PDE1C: variants seen among roughly 807,000 people sequenced by gnomAD.
PDE1C encodes the protein phosphodiesterase 1C, also known as dual specificity calcium/calmodulin-dependent 3',5'-cyclic nucleotide phosphodiesterase 1C.
A neutral mutation model predicts 93.1 loss-of-function variants in PDE1C; 62 were observed. That is an observed-to-expected ratio of 0.67 (90% CI 0.54 to 0.82). PDE1C has a LOEUF of 0.82. PDE1C is among the 40% of genes least tolerant of loss of function. The pLI is 0.00. For missense variants in PDE1C, 742 were observed against 884.6 expected (o/e 0.84, Z 2.04); for synonymous variants, 325 against 310.1 (o/e 1.05, Z -0.50).
intron 2 of PDE1C, among the ~76,000 whole-genome samples, chr7:32,185,246 A>AG (rs1562558873): frequency 7.1e-5 from 7 of 98,950 alleles, no homozygotes; most frequent in Non-Finnish European, 1.1e-4. Context: ...ACTCTGTCTC[A>AG]GAAAAAAAAA....
At chr7:31,857,978 G>C (rs1794228055) in intron 7 of PDE1C, among the ~76,000 whole-genome samples, 1 of 152,136 alleles carries the variant, frequency 6.6e-6, no homozygotes, top group African/African-American at 2.4e-5. Flanking sequence ...TGAATAACTA[G>C]AAGGACATAT....
At chr7:32,261,545 T>C (rs889637284) in intron 1 of PDE1C, among the ~76,000 whole-genome samples, 1 of 152,222 alleles carries the variant, frequency 6.6e-6, no homozygotes, top group Non-Finnish European at 1.5e-5. Context: ...ATTCCCCGTC[T>C]TGATAAATCA....
chr7:31,966,675 C>G (rs1810024719), intron 2 of PDE1C, among the ~76,000 whole-genome samples: 1 of 152,192 alleles, frequency 6.6e-6, no homozygotes, highest in South Asian at 2.1e-4. Context: ...AGCATCACAA[C>G]ACACCTATTC....
upstream of PDE1C, among the ~76,000 whole-genome samples, chr7:32,302,156 T>G (rs1812896674): frequency 6.6e-6 from 1 of 152,234 alleles, no homozygotes; most frequent in Admixed American, 6.5e-5. Context: ...AAATGCTTAT[T>G]GACTCCTAAA....
At chr7:32,319,093 C>T (rs866931868) in intron 1 of PDE1C, among the ~76,000 whole-genome samples, 2 of 152,346 alleles carry the variant, frequency 1.3e-5, no homozygotes, top group African/African-American at 2.4e-5. Context: ...CCGCGCCCTC[C>T]ACGCCGTCAC....
chr7:31,989,101 A>C (rs1361336933), intron 2 of PDE1C, among the ~76,000 whole-genome samples: 1 of 150,322 alleles, frequency 6.7e-6, no homozygotes, highest in Non-Finnish European at 1.5e-5. Flanking sequence ...AAAGAAAGAA[A>C]GAAAGAGAAA....
intron 2 of PDE1C, among the ~76,000 whole-genome samples, chr7:32,044,583 G>A (rs929103611): frequency 6.6e-6 from 1 of 152,144 alleles, no homozygotes; most frequent in East Asian, 1.9e-4. Context: ...TAATGAAAGA[G>A]ATTAAAGAGG....
the PDE1C span, chr7:31,651,362 C>A: frequency 1.4e-6 from 2 of 1,407,980 alleles, no homozygotes; most frequent in African/African-American, 1.5e-5. Flanking sequence ...CACCCTGGAG[C>A]AGAGCTAATG....
At chr7:32,187,503 G>T (rs558026853) in intron 2 of PDE1C, among the ~76,000 whole-genome samples, 1 of 152,110 alleles carries the variant, frequency 6.6e-6, no homozygotes, top group African/African-American at 2.4e-5. Flanking sequence ...TTAATATTAA[G>T]ATGTATCACT....
At chr7:32,065,878 C>T (rs1334273217) in intron 1 of PDE1C, among the ~76,000 whole-genome samples, 3 of 152,160 alleles carry the variant, frequency 2.0e-5, no homozygotes, top group African/African-American at 7.2e-5. Context: ...TCAAAACATC[C>T]TAAGCAAAAA....
At chr7:32,034,666 C>CT (rs1790802516) in intron 2 of PDE1C, among the ~76,000 whole-genome samples, 1 of 152,152 alleles carries the variant, frequency 6.6e-6, no homozygotes, top group Non-Finnish European at 1.5e-5. Context: ...AATGTAAACA[C>CT]TAAGTCATAA....
chr7:31,823,131 A>G lies in PDE1C; in HGVS notation c.1524T>C (p.Ala508=), dbSNP rs986518076. The G allele has an allele frequency of 6.2e-7, 1 of 1,613,300 alleles. No individual in the cohort carries two copies. The highest frequency in any genetic ancestry group is 8.5e-7 in the Non-Finnish European group (1 of 1,179,516). Residue 508 remains alanine, a synonymous_variant, in exon 14 of 18, where the codon GCT becomes GCC. Coordinates refer to ENST00000396191, the MANE Select transcript of PDE1C (RefSeq NM_001191057.4). ...TGATGTGCACCACTTCCGTCCAAGT[A>G]GCTTTAAAGCTCTTATAGTCAACGG... is the stretch of plus-strand genomic sequence containing the variant. ...VISVDYKSFK[A]TWTEVVHINR... is the part of the protein sequence containing the mutation.
At chr7:31,668,460 C>T in the PDE1C span, among the ~76,000 whole-genome samples, 1,802 of 150,864 alleles carry the variant, frequency 0.012, 11 homozygotes, top group Non-Finnish European at 0.014. Context: ...AAACAAGATG[C>T]AGTCTATCCA....
upstream of PDE1C, among the ~76,000 whole-genome samples, chr7:32,304,304 C>T (rs748518004): frequency 1.2e-4 from 18 of 152,216 alleles, no homozygotes; most frequent in African/African-American, 2.9e-4. Context: ...ATATGGTCTG[C>T]GGGTAGCAGA....
At chr7:32,290,918 T>C (rs1350395808) in intron 1 of PDE1C, among the ~76,000 whole-genome samples, 1 of 152,134 alleles carries the variant, frequency 6.6e-6, no homozygotes, top group Non-Finnish European at 1.5e-5. Flanking sequence ...ACAGTATATA[T>C]GGTGATTTGA....
chr7:32,078,297 T>A (rs1796468921), intron 3 of PDE1C, among the ~76,000 whole-genome samples: 1 of 152,176 alleles, frequency 6.6e-6, no homozygotes, highest in African/African-American at 2.4e-5. Context: ...AGAAGTGATG[T>A]CCCTGAACTC....
At chr7:31,986,693 C>T (rs1268293020) in intron 2 of PDE1C, among the ~76,000 whole-genome samples, 1 of 151,990 alleles carries the variant, frequency 6.6e-6, no homozygotes, top group African/African-American at 2.4e-5. Flanking sequence ...CCAGGAGCCA[C>T]CAGATGCTGG....
intron 2 of PDE1C, among the ~76,000 whole-genome samples, chr7:31,975,261 T>TTTTCTGAC (rs1811506450): frequency 6.6e-6 from 1 of 152,198 alleles, no homozygotes; most frequent in Non-Finnish European, 1.5e-5. Context: ...TCTAGGATGC[T>TTTTCTGAC]TTTCTGACTT....
At chr7:32,034,054 C>CTGTGTGTGTGTGTGTGTGTGTGTG (rs5883321) in intron 2 of PDE1C, among the ~76,000 whole-genome samples, 2 of 148,396 alleles carry the variant, frequency 1.3e-5, no homozygotes, top group African/African-American at 5.0e-5. Context: ...AGATGAGAGA[C>CTGTGTGTGTGTGTGTGTGTGTGTG]TGTGTGTGTG....
Sources: gnomAD v4.1 joint callset for allele counts (sites outside exome capture counted in the v4.1 genomes callset) on GRCh38, gnomAD v4.1.1 for gene constraint, MANE v1.5 for transcripts, NCBI Gene and HGNC (gene_info 2026-07-23, HGNC 2026-07-21) for gene names.